GPHN: variants seen among roughly 807,000 people sequenced by gnomAD.
GPHN encodes gephyrin.
In GPHN, 17 loss-of-function variants were observed where a neutral mutation model predicts 95.5. The observed-to-expected ratio is 0.18, with a 90% CI of 0.12 to 0.27. The LOEUF (loss-of-function observed/expected upper bound fraction) is 0.27. GPHN is among the 10% of genes least tolerant of loss of function. The pLI is 1.00. For missense variants in GPHN, 660 were observed against 978.1 expected (o/e 0.67, Z 4.34); for synonymous variants, 320 against 322.5 (o/e 0.99, Z 0.08).
the GPHN span, among the ~76,000 whole-genome samples, chr14:67,572,617 T>C: frequency 6.6e-6 from 1 of 151,808 alleles, no homozygotes; most frequent in African/African-American, 2.4e-5. Flanking sequence ...ATTGAACTCT[T>C]GGCACCAGGC....
chr14:67,455,783 C>T, the GPHN span, among the ~76,000 whole-genome samples: 2 of 152,142 alleles, frequency 1.3e-5, no homozygotes, highest in Admixed American at 1.3e-4. Context: ...TAATTAAGCA[C>T]CTGCTTTGGG....
chr14:66,787,010 C>T (rs2059800436), intron 3 of GPHN, among the ~76,000 whole-genome samples: 1 of 152,036 alleles, frequency 6.6e-6, no homozygotes, highest in African/African-American at 2.4e-5. Context: ...ACTAGAAATG[C>T]TAGGTAGCAC....
At chr14:67,691,338 G>A in the GPHN span, 1 of 763,862 alleles carries the variant, frequency 1.3e-6, no homozygotes, top group East Asian at 2.5e-5. Flanking sequence ...AAATGAGGAT[G>A]CAGGACTTCA....
At chr14:67,727,298 C>T in the GPHN span, 30 of 816,062 alleles carry the variant, frequency 3.7e-5, no homozygotes, top group South Asian at 4.1e-4. Context: ...AGTAATATCT[C>T]TGTGGACTAA....
rs2060880593 is a variant in GPHN at position 66,575,844 on chromosome 14, G to A, written c.64+67253G>A. ...CTGGGTGTCTGGGATCTACTGGAGT[G>A]GTCCTAGAGGCTGCATCCGTGGGAT... is the stretch of plus-strand genomic sequence containing the variant. On this transcript the variant is annotated intron_variant, in intron 1 of 22. Coordinates refer to ENST00000478722, the MANE Select transcript of GPHN (RefSeq NM_020806.5). Among the ~76,000 whole-genome samples the A allele has an allele frequency of 2.0e-5, 3 of 152,082 alleles. 1 individual carries two copies. In the South Asian group the frequency reaches 6.2e-4, roughly 32 times the overall value.
intron 2 of GPHN, among the ~76,000 whole-genome samples, chr14:66,774,130 G>A (rs1000806955): frequency 1.0e-4 from 15 of 149,754 alleles, no homozygotes; most frequent in African/African-American, 3.5e-4. Flanking sequence ...AGCCTCCCGA[G>A]TAGCTGGGAC....
At chr14:67,533,216 C>G in the GPHN span, 2 of 151,602 alleles carry the variant, frequency 1.3e-5, no homozygotes, top group Admixed American at 6.6e-5. Context: ...GCAGCGAGCC[C>G]GCGGGCACCC....
At chr14:66,946,998 A>G (rs1245549929) in intron 8 of GPHN, among the ~76,000 whole-genome samples, 1 of 151,320 alleles carries the variant, frequency 6.6e-6, no homozygotes, top group Non-Finnish European at 1.5e-5. Context: ...TTTTTAAAAT[A>G]AAGTAAATAA....
chr14:66,783,969 A>G (rs959227272), intron 3 of GPHN, among the ~76,000 whole-genome samples: 22 of 152,226 alleles, frequency 1.4e-4, no homozygotes, highest in African/African-American at 5.1e-4. Context: ...CTAGGTGACA[A>G]TAAAAATATC....
chr14:67,439,594 TTC>T, the GPHN span, among the ~76,000 whole-genome samples: 9 of 102,016 alleles, frequency 8.8e-5, no homozygotes, highest in African/African-American at 4.7e-4. Flanking sequence ...TCTTTCTTTC[TTC>T]TTTCTTTTTT....
chr14:67,251,698 G>C, the GPHN span, among the ~76,000 whole-genome samples: 4 of 152,328 alleles, frequency 2.6e-5, no homozygotes, highest in South Asian at 8.3e-4. Flanking sequence ...CTTTGTCCCT[G>C]ACAGCTGACC....
intron 2 of GPHN, among the ~76,000 whole-genome samples, chr14:66,725,179 G>C (rs894970485): frequency 5.9e-5 from 9 of 152,096 alleles, no homozygotes; most frequent in African/African-American, 2.2e-4. Flanking sequence ...ATCAAAACCT[G>C]GCCATGCTGG....
chr14:67,251,855 C>T, the GPHN span, among the ~76,000 whole-genome samples: 1 of 152,174 alleles, frequency 6.6e-6, no homozygotes, highest in Non-Finnish European at 1.5e-5. Flanking sequence ...GCCAGAAAGA[C>T]CAAGGCATGG....
At chr14:66,784,202 G>A (rs2059696034) in intron 3 of GPHN, among the ~76,000 whole-genome samples, 1 of 152,052 alleles carries the variant, frequency 6.6e-6, no homozygotes, top group South Asian at 2.1e-4. Flanking sequence ...GAAAATTATA[G>A]AACTGAGAAA....
the GPHN span, among the ~76,000 whole-genome samples, chr14:67,703,225 G>A: frequency 3.2e-3 from 492 of 152,288 alleles, 17 homozygotes; most frequent in East Asian, 0.08. Context: ...ATTGGGACCT[G>A]TTAGTTCACA....
At chr14:66,998,521 A>G (rs1382837909) in intron 9 of GPHN, among the ~76,000 whole-genome samples, 1 of 152,118 alleles carries the variant, frequency 6.6e-6, no homozygotes. Context: ...CTTAGCTTTC[A>G]ATTTTTCATT....
At chr14:66,682,800 A>T (rs1161332250) in intron 2 of GPHN, among the ~76,000 whole-genome samples, 3 of 152,214 alleles carry the variant, frequency 2.0e-5, no homozygotes, top group Non-Finnish European at 4.4e-5. Context: ...TAGTAAAATA[A>T]GAATGTATGT....
intron 9 of GPHN, among the ~76,000 whole-genome samples, chr14:66,997,810 C>G (rs2071922481): frequency 6.6e-6 from 1 of 152,070 alleles, no homozygotes; most frequent in Non-Finnish European, 1.5e-5. Flanking sequence ...AAACATACCA[C>G]TAGGGAGAAG....
At chr14:66,699,596 T>C (rs990799034) in intron 2 of GPHN, among the ~76,000 whole-genome samples, 4 of 152,182 alleles carry the variant, frequency 2.6e-5, no homozygotes, top group African/African-American at 9.6e-5. Context: ...AGATGTCTGG[T>C]ATTTTAAAGT....
Sources: gnomAD v4.1 joint callset for allele counts (sites outside exome capture counted in the v4.1 genomes callset) on GRCh38, gnomAD v4.1.1 for gene constraint, MANE v1.5 for transcripts, NCBI Gene and HGNC (gene_info 2026-07-23, HGNC 2026-07-21) for gene names.